PRKG2: variants seen among roughly 807,000 people sequenced by gnomAD.
PRKG2 encodes the protein cGMP-dependent protein kinase 2.
Under a neutral mutation model 97.2 loss-of-function variants are expected in PRKG2, and 33 were observed. That is an observed-to-expected ratio of 0.34 (90% confidence interval 0.26 to 0.45). PRKG2 has a LOEUF of 0.45. Ranked by LOEUF, PRKG2 falls within the 20% of genes least tolerant of loss-of-function variation. The pLI is 1.00. For synonymous variants in PRKG2, 330 were observed against 321.8 expected, an observed-to-expected ratio of 1.03 and a Z score of -0.27; for missense variants, 638 against 900.0, an observed-to-expected ratio of 0.71 and a Z score of 3.73.
chr4:81,191,685 C>T lies in PRKG2; in HGVS notation c.461+12902G>A, dbSNP rs1304900354. ...CTGATTTATGACAACAGTTGTACTA[C>T]AGAGCTATGGGAGATAAACAGACCT... On this transcript the variant is annotated intron_variant, in intron 2 of 18. Transcript: ENST00000264399. Among the ~76,000 whole-genome samples the T allele has an allele frequency of 3.9e-5, 6 of 152,090 alleles. No homozygotes were observed. In the East Asian group the frequency reaches 1.2e-3, roughly 29 times the overall value.
chr4:81,101,600 T>A (rs1293932689), intron 17 of PRKG2, among the ~76,000 whole-genome samples: 4 of 151,202 alleles, frequency 2.6e-5, no homozygotes, highest in African/African-American at 7.3e-5. Context: ...TGGCATTTGG[T>A]GATATACCTA....
At chr4:81,115,667 C>A (rs1274795046) in intron 14 of PRKG2, among the ~76,000 whole-genome samples, 2 of 152,140 alleles carry the variant, frequency 1.3e-5, no homozygotes, top group Non-Finnish European at 2.9e-5. Flanking sequence ...TTTTACAGTT[C>A]AGGTCTGATA....
At chr4:81,208,524 T>A (rs911710955) in intron 1 of PRKG2, among the ~76,000 whole-genome samples, 6 of 152,090 alleles carry the variant, frequency 3.9e-5, no homozygotes, top group African/African-American at 1.4e-4. Context: ...TGGGCTCAAG[T>A]GACCCTCTTG....
intron 2 of PRKG2, among the ~76,000 whole-genome samples, chr4:81,176,783 T>C (rs1482592219): frequency 6.6e-6 from 1 of 152,230 alleles, no homozygotes; most frequent in Non-Finnish European, 1.5e-5. Flanking sequence ...CTTTCTTTTT[T>C]GGTTTAACTT....
intron 5 of PRKG2, among the ~76,000 whole-genome samples, chr4:81,168,126 C>T (rs1452782649): frequency 6.6e-6 from 1 of 152,038 alleles, no homozygotes; most frequent in Non-Finnish European, 1.5e-5. Flanking sequence ...AAAGAGTCAT[C>T]AGAACTTGTT....
At chr4:81,209,495 A>G (rs1258238064) in intron 1 of PRKG2, among the ~76,000 whole-genome samples, 1 of 152,114 alleles carries the variant, frequency 6.6e-6, no homozygotes, top group African/African-American at 2.4e-5. Flanking sequence ...ACTTTCATTT[A>G]GTGGTCTATA....
chr4:81,159,721 A>G (rs1052330880), intron 6 of PRKG2, among the ~76,000 whole-genome samples: 195 of 152,110 alleles, frequency 1.3e-3, no homozygotes, highest in African/African-American at 4.5e-3. Flanking sequence ...AATGTCCAAC[A>G]ATGATAGACT....
intron 14 of PRKG2, among the ~76,000 whole-genome samples, chr4:81,124,853 G>A (rs553857976): frequency 1.3e-5 from 2 of 152,248 alleles, no homozygotes; most frequent in Non-Finnish European, 2.9e-5. Context: ...GGTTTGTTAT[G>A]TAAAATGGGA....
chr4:81,153,261 C>T (rs1339591463), intron 7 of PRKG2, among the ~76,000 whole-genome samples: 1 of 152,166 alleles, frequency 6.6e-6, no homozygotes, highest in Non-Finnish European at 1.5e-5. Flanking sequence ...ATTCATTCTC[C>T]ACCTGCTACT....
chr4:81,094,487 G>T (rs1741920722), intron 17 of PRKG2, among the ~76,000 whole-genome samples: 1 of 152,098 alleles, frequency 6.6e-6, no homozygotes, highest in South Asian at 2.1e-4. Context: ...AAGACTTGTG[G>T]AAGGTTTTAA....
intron 2 of PRKG2, chr4:81,193,000 T>C (rs1354447961): frequency 6.6e-6 from 1 of 152,380 alleles, no homozygotes. Flanking sequence ...TCTGGGCTCA[T>C]ATATTAGAGG....
rs562688407 is a variant in PRKG2, at chr4:81,089,763, G to A, written c.2234C>T (p.Pro745Leu). Residue 745 changes from proline to leucine, a missense_variant, in exon 19 of 19, where the codon CCT becomes CTT. Around this residue, in one of 3 missense-constraint regions of PRKG2, gnomAD observed 304 missense variants for 460.5 expected, o/e 0.66. Coordinates refer to ENST00000264399, the MANE Select transcript of PRKG2 (RefSeq NM_006259.3). ...PIDHSYFDKY[P>L]PEKGMPPDEL... ...ATCTGGAGGCATTCCCTTTTCAGGA[G>A]GATATTTGTCAAAGTAGCTGTGATC... 3.1e-6 allele frequency: 5 copies of A among 1,613,040 alleles called. No homozygotes were observed. In the South Asian group the frequency reaches 5.5e-5, roughly 18 times the overall value.
chr4:81,103,305 C>T (rs1252244483), intron 17 of PRKG2, among the ~76,000 whole-genome samples: 1 of 151,960 alleles, frequency 6.6e-6, no homozygotes, highest in Non-Finnish European at 1.5e-5. Flanking sequence ...GCTATCCCTC[C>T]CCGCTCCCCC....
At chr4:81,145,422 T>C (rs1176967655) in intron 9 of PRKG2, among the ~76,000 whole-genome samples, 2 of 152,188 alleles carry the variant, frequency 1.3e-5, no homozygotes, top group Non-Finnish European at 2.9e-5. Context: ...TGTCTCAAGA[T>C]AACTCTCTCC....
chr4:81,113,759 AT>A (rs1199052495), intron 14 of PRKG2, among the ~76,000 whole-genome samples: 6 of 152,178 alleles, frequency 3.9e-5, no homozygotes, highest in Admixed American at 2.6e-4. Flanking sequence ...TTCCAAAAAA[AT>A]ATTTATGTGG....
rs36007279 is a variant in PRKG2, at chr4:81,143,541, C to T, written c.1254-594G>A. On this transcript the variant is annotated intron_variant, in intron 10 of 18. Transcript: ENST00000264399. ...TTTTTCTCTTTTAATTAAGGTTTAC[C>T]GGTCTGGGTTACATATTCATAAATT... Among the ~76,000 whole-genome samples, 396 of 152,082 alleles carry T rather than the reference C, an allele frequency of 2.6e-3. 1 individual carries two copies. Among genetic ancestry groups the T allele is most frequent in the Non-Finnish European group, 4.5e-3 (305 of 67,988 alleles).
chr4:81,169,900 C>G (rs1045512965), intron 4 of PRKG2, 132 bp from the exon 5 acceptor site: 6 of 543,866 alleles, frequency 1.1e-5, no homozygotes, highest in African/African-American at 2.0e-5. Context: ...TTTAAACATA[C>G]AAATGAAGGA....
At chr4:81,141,547 A>G (rs1381660905) in intron 11 of PRKG2, among the ~76,000 whole-genome samples, 2 of 152,156 alleles carry the variant, frequency 1.3e-5, no homozygotes, top group Non-Finnish European at 2.9e-5. Flanking sequence ...TATTTCCTAA[A>G]AAGGAAATAA....
intron 17 of PRKG2, among the ~76,000 whole-genome samples, chr4:81,094,121 G>T (rs1037561904): frequency 5.9e-5 from 9 of 152,146 alleles, no homozygotes; most frequent in Non-Finnish European, 1.0e-4. Flanking sequence ...TGAAACAAAT[G>T]TTTCCTCTTC....
Sources: gnomAD v4.1 joint callset for allele counts (sites outside exome capture counted in the v4.1 genomes callset) on GRCh38, gnomAD v4.1.1 for gene constraint, gnomAD v4.1.1 regional missense constraint, MANE v1.5 for transcripts, NCBI Gene and HGNC (gene_info 2026-07-23, HGNC 2026-07-21) for gene names.